BRAP: variants seen among roughly 807,000 people sequenced by gnomAD.
BRAP encodes BRCA1 associated protein.
In BRAP, 42 loss-of-function variants were observed where a neutral mutation model predicts 73.4. That is an observed-to-expected ratio of 0.57 (90% CI 0.45 to 0.74). The LOEUF is 0.74. Ranked by LOEUF, BRAP falls within the 30% of genes least tolerant of loss-of-function variation. BRAP has a pLI of 0.00. For missense variants in BRAP, 593 were observed against 751.4 expected, an observed-to-expected ratio of 0.79 and a Z score of 2.46; for synonymous variants, 255 against 267.4, an observed-to-expected ratio of 0.95 and a Z score of 0.45.
chr12:111,660,343 A>G (rs1005258439), intron 7 of BRAP, among the ~76,000 whole-genome samples: 4 of 152,080 alleles, frequency 2.6e-5, no homozygotes, highest in African/African-American at 9.7e-5. Context: ...CCTAGACAAA[A>G]AGAAAAAAAA....
At chr12:111,649,077 T>A (rs546903608) in intron 11 of BRAP, among the ~76,000 whole-genome samples, 22 of 152,280 alleles carry the variant, frequency 1.4e-4, no homozygotes, top group Non-Finnish European at 2.6e-4. Context: ...GTTCAATTTG[T>A]TAGGGTGCTG....
At chr12:111,662,713 C>G (rs1432012404) in intron 6 of BRAP, among the ~76,000 whole-genome samples, 1 of 152,006 alleles carries the variant, frequency 6.6e-6, no homozygotes, top group Non-Finnish European at 1.5e-5. Context: ...AAAGAGAAGA[C>G]AGAAGACAAA....
At chr12:111,658,096 G>A (rs1197564130) in intron 9 of BRAP, among the ~76,000 whole-genome samples, 3 of 151,560 alleles carry the variant, frequency 2.0e-5, no homozygotes, top group South Asian at 2.1e-4. Flanking sequence ...GAACCACCAC[G>A]CCCAGCTAAT....
At chr12:111,671,549 CCAAAA>C (rs146305699) in intron 5 of BRAP, among the ~76,000 whole-genome samples, 2,347 of 151,928 alleles carry the variant, frequency 0.015, 70 homozygotes, top group African/African-American at 0.053. Flanking sequence ...CACTCTGTCT[CCAAAA>C]CAAAACAAAA....
At chr12:111,681,227 A>G (rs1887586878) in intron 3 of BRAP, among the ~76,000 whole-genome samples, 1 of 151,948 alleles carries the variant, frequency 6.6e-6, no homozygotes, top group African/African-American at 2.4e-5. Flanking sequence ...AAAATTAGCT[A>G]GGTGTGGTGG....
intron 4 of BRAP, among the ~76,000 whole-genome samples, chr12:111,677,407 G>A (rs772641284): frequency 2.6e-5 from 4 of 152,126 alleles, no homozygotes; most frequent in East Asian, 1.9e-4. Flanking sequence ...AGAGGAACGC[G>A]TCCCTGGAAT....
In BRAP at chr12:111,659,253, C is replaced by T. The variant is rs151101195; in HGVS notation, c.1065G>A (p.Thr355=). 3.0e-3 allele frequency: 4,818 copies of T among 1,614,114 alleles called. 10 individuals carry two copies. Among genetic ancestry groups the T allele is most frequent in the Non-Finnish European group, 3.4e-3 (4,041 of 1,180,008 alleles). ...GATGGTTGGTAAGCTGCATGGCATA[C>T]GTGTGCTGCGTTTCCTCAAAGTGCT... ...AYKHFEETQH[T]YAMQLTNHRV... Residue 355 remains threonine (T), a synonymous_variant, in exon 8 of 12, where the codon ACG becomes ACA. Coordinates refer to ENST00000419234, the MANE Select transcript of BRAP (RefSeq NM_006768.5).
rs11066001 is a variant in BRAP, at chr12:111,681,367, T to C, written c.443+270A>G. ...CCTGGGCAACGAGACCGAAACTCCA[T>C]TTCAAAAAAAAAAAAAGAAAACATT... On this transcript the variant is annotated intron_variant, in intron 3 of 11. Coordinates refer to ENST00000419234, the MANE Select transcript of BRAP (RefSeq NM_006768.5). Among the ~76,000 whole-genome samples the C allele has an allele frequency of 7.8e-3, 1,186 of 151,164 alleles. 143 individuals are homozygous for C. The East Asian group carries it at 0.23, about 29-fold the overall frequency.
intron 7 of BRAP, among the ~76,000 whole-genome samples, 182 bp downstream of exon 7, chr12:111,660,418 A>C (rs1333357549): frequency 6.6e-6 from 1 of 152,066 alleles, no homozygotes; most frequent in African/African-American, 2.4e-5. Flanking sequence ...GGGTGGCTGA[A>C]GTGGAAGGAC....
At chr12:111,662,363 C>G (rs1886787903) in intron 6 of BRAP, among the ~76,000 whole-genome samples, 1 of 151,974 alleles carries the variant, frequency 6.6e-6, no homozygotes, top group South Asian at 2.1e-4. Context: ...CCAGCTTGAC[C>G]AATATGGAGA....
In BRAP at chr12:111,659,356, AG is replaced by A; in HGVS notation, c.973-12del. ...ACAAATCCAAAGATTCTGCCGGAAG[AG>A]GTAAGATCTTAATTAGTTAAATAAA... On this transcript the variant is annotated splice_polypyrimidine_tract_variant and intron_variant, in intron 7 of 11. Coordinates refer to ENST00000419234, the MANE Select transcript of BRAP (RefSeq NM_006768.5). 6.2e-7 allele frequency: 1 copy of A among 1,609,324 alleles called. No individual in the cohort carries two copies.
chr12:111,656,437 A>G (rs536313761), intron 9 of BRAP, among the ~76,000 whole-genome samples: 1 of 152,340 alleles, frequency 6.6e-6, no homozygotes, highest in South Asian at 2.1e-4. Context: ...CTGTTGTAAC[A>G]CTAATGTGCC....
chr12:111,652,291 T>A (rs1886356493), intron 10 of BRAP, among the ~76,000 whole-genome samples: 2 of 152,112 alleles, frequency 1.3e-5, no homozygotes, highest in Non-Finnish European at 2.9e-5. Context: ...TGGTGCAATC[T>A]CGGCTCACTG....
intron 6 of BRAP, among the ~76,000 whole-genome samples, chr12:111,662,751 A>G (rs1457146390): frequency 1.3e-5 from 2 of 152,300 alleles, no homozygotes; most frequent in South Asian, 4.1e-4. Context: ...AATGGTAGCC[A>G]GAAAGCAGAA....
chr12:111,662,945 T>TAAAA (rs76679225), intron 6 of BRAP, among the ~76,000 whole-genome samples: 1 of 115,004 alleles, frequency 8.7e-6, no homozygotes, highest in Non-Finnish European at 1.9e-5. Context: ...AAAGCCCTTC[T>TAAAA]AAAAAAAAAA....
intron 4 of BRAP, among the ~76,000 whole-genome samples, chr12:111,678,055 C>A (rs1452525589): frequency 2.0e-5 from 3 of 151,372 alleles, no homozygotes; most frequent in Non-Finnish European, 4.4e-5. Flanking sequence ...GAGTTTGAGA[C>A]CAGCCTGACC....
Position 111,644,248 on chromosome 12 carries a change from C to T in BRAP, c.1730G>A (p.Gly577Asp), listed in dbSNP as rs1332115393. 5.0e-6 allele frequency: 8 copies of T among 1,613,680 alleles called. 1 individual carries two copies. In the Admixed American group the frequency reaches 1.0e-4, roughly 20 times the overall value. Residue 577 changes from glycine (G) to aspartate (D), a missense_variant, in exon 12 of 12, where the codon GGC becomes GAC. Gly to Asp is a moderately conservative substitution (Grantham distance 94). Transcript: ENST00000419234. ...ASASSPASSG[G>D]SGKLPSRKGR... is the part of the protein sequence containing the mutation. ...CTTCCTGGAGGGCAACTTCCCACTG[C>T]CCCCCGAAGAGGCAGGGCTCGAGGC...
chr12:111,668,524 C>T (rs556462268), intron 5 of BRAP, among the ~76,000 whole-genome samples: 55 of 151,822 alleles, frequency 3.6e-4, no homozygotes, highest in Non-Finnish European at 6.9e-4. Flanking sequence ...GAAGCACATT[C>T]GAAATACTGA....
intron 4 of BRAP, among the ~76,000 whole-genome samples, chr12:111,675,372 C>CT (rs1206857438): frequency 2.0e-5 from 3 of 151,636 alleles, no homozygotes; most frequent in Non-Finnish European, 4.4e-5. Flanking sequence ...AGAAAAAGTA[C>CT]TTTTTTGTAA....
Sources: gnomAD v4.1 joint callset for allele counts (sites outside exome capture counted in the v4.1 genomes callset) on GRCh38, gnomAD v4.1.1 for gene constraint, MANE v1.5 for transcripts, NCBI Gene and HGNC (gene_info 2026-07-23, HGNC 2026-07-21) for gene names.